Variants in ATL2 observed in about 807,000 individuals in gnomAD.
ATL2 encodes atlastin-2.
A neutral mutation model predicts 73.9 loss-of-function variants in ATL2; 31 were observed. That is an observed-to-expected ratio of 0.42 (90% CI 0.32 to 0.57). The LOEUF (loss-of-function observed/expected upper bound fraction) is 0.57, where lower values mean the gene tolerates loss of function less well. Ranked by LOEUF, ATL2 falls within the 20% of genes least tolerant of loss-of-function variation. The pLI, the probability that ATL2 is intolerant of heterozygous loss-of-function variation, is 0.14. For synonymous variants in ATL2, 291 were observed against 237.5 expected (o/e 1.23, Z -2.07); for missense variants, 738 against 702.6 (o/e 1.05, Z -0.57).
rs146862303 is a variant in ATL2 at position 38,344,952 on chromosome 2, T to C, written c.119-1440A>G. ...ATAAGGTAACCTTTGCAGACATAAC[T>C]TTACTGAATAGTGACGAAGAAGTAC... On this transcript the variant is annotated intron_variant, in intron 1 of 12. Transcript: ENST00000378954. Among the ~76,000 whole-genome samples the C allele has an allele frequency of 1.8e-4, 27 of 152,266 alleles. No individual in the cohort carries two copies. In the East Asian group the frequency reaches 5.2e-3, roughly 29 times the overall value.
intron 1 of ATL2, among the ~76,000 whole-genome samples, chr2:38,364,756 C>T (rs961852122): frequency 9.2e-5 from 14 of 152,152 alleles, no homozygotes; most frequent in African/African-American, 3.1e-4. Context: ...CAAAAAATAA[C>T]TTTGTTGGCT....
At chr2:38,301,980 A>G (rs1667214979) in intron 9 of ATL2, among the ~76,000 whole-genome samples, 1 of 152,174 alleles carries the variant, frequency 6.6e-6, no homozygotes, top group Admixed American at 6.5e-5. Context: ...TTGTCTTGCA[A>G]TTTGGATACC....
At chr2:38,300,893 A>AC (rs1450703372) in intron 9 of ATL2, among the ~76,000 whole-genome samples, 5 of 152,170 alleles carry the variant, frequency 3.3e-5, no homozygotes, top group African/African-American at 1.2e-4. Context: ...AAAAAAAAAA[A>AC]AAACTAATTT....
chr2:38,352,133 C>CAAAAAAAA (rs778821586), intron 1 of ATL2, among the ~76,000 whole-genome samples: 9 of 31,996 alleles, frequency 2.8e-4, no homozygotes, highest in Non-Finnish European at 4.0e-4. Flanking sequence ...AAACAACAAC[C>CAAAAAAAA]AAAAAAAAAA....
Position 38,314,972 on chromosome 2 carries a change from C to T in ATL2, c.655-308G>A, listed in dbSNP as rs535510584. 4.6e-5 allele frequency among the ~76,000 whole-genome samples: 7 copies of T among 152,328 alleles called. No homozygotes were observed. In the East Asian group the frequency reaches 7.7e-4, roughly 17 times the overall value. On this transcript the variant is annotated intron_variant, in intron 5 of 12. Coordinates refer to ENST00000378954, the MANE Select transcript of ATL2 (RefSeq NM_001135673.4). ...TCTTTAAGAAATATGTGCTCGCAGA[C>T]GGGCGCAGCGGCTCACGCCGGGTAA...
At chr2:38,315,653 T>G (rs542455114) in intron 4 of ATL2, among the ~76,000 whole-genome samples, 3 of 152,288 alleles carry the variant, frequency 2.0e-5, no homozygotes, top group South Asian at 4.1e-4. Context: ...AGCTCTTTAA[T>G]GTTAAGATAC....
intron 2 of ATL2, among the ~76,000 whole-genome samples, chr2:38,339,191 G>A (rs72902178): frequency 0.018 from 2,810 of 152,190 alleles, 92 homozygotes; most frequent in African/African-American, 0.065. Flanking sequence ...ACTCCAGCCT[G>A]GGCAACGAGG....
At chr2:38,328,494 T>C (rs1668794257) in intron 2 of ATL2, among the ~76,000 whole-genome samples, 3 of 152,094 alleles carry the variant, frequency 2.0e-5, no homozygotes. Flanking sequence ...CACAACAGAA[T>C]TAAACTATTA....
Position 38,377,176 on chromosome 2 carries a change from C to T in ATL2, c.85G>A (p.Ala29Thr), listed in dbSNP as rs776920297. Reference sequence around the variant, plus strand: ...GTCGTGGACGAGACGTGGTTAACCGCGGCGCTTGGGTCGCTGGTCCGTCGC... The same window carrying T: ...GTCGTGGACGAGACGTGGTTAACCGTGGCGCTTGGGTCGCTGGTCCGTCGC... The part of the protein sequence containing the change: ...RRRRTSDPSA[A>T]VNHVSSTTSL... Residue 29 changes from alanine to threonine, a missense_variant, in exon 1 of 13, where the codon GCG becomes ACG. Coordinates refer to ENST00000378954, the MANE Select transcript of ATL2 (RefSeq NM_001135673.4). The T allele has an allele frequency of 1.2e-6, 2 of 1,610,898 alleles. No homozygotes were observed. Among genetic ancestry groups the T allele is most frequent in the East Asian group, 2.2e-5 (1 of 44,790 alleles).
At chr2:38,318,165 A>C (rs1668124732) in intron 4 of ATL2, among the ~76,000 whole-genome samples, 1 of 152,146 alleles carries the variant, frequency 6.6e-6, no homozygotes, top group Admixed American at 6.5e-5. Flanking sequence ...ATCTCAAAAA[A>C]AATTAAAAAG....
rs763076053 is a variant in ATL2 at position 38,377,215 on chromosome 2, C to G, written c.46G>C (p.Gly16Arg). 13 of 1,608,112 alleles carry G rather than the reference C, an allele frequency of 8.1e-6. No individual in the cohort carries two copies. The Admixed American group carries it at 1.8e-4, about 23-fold the overall frequency. ...CTGGTCCGTCGCCGGCGCCACAGCC[C>G]CTGGTGCGGTTGCTGCCCTCGCGCT... ...EAARGQQPHQ[G>R]LWRRRRTSDP... Residue 16 changes from glycine to arginine, a missense_variant, in exon 1 of 13, where the codon GGG (glycine) becomes CGG (arginine). Physicochemically the swap from Gly to Arg is moderately radical, Grantham distance 125. Transcript: ENST00000378954.
At chr2:38,317,196 A>G (rs1668070069) in intron 4 of ATL2, among the ~76,000 whole-genome samples, 1 of 152,180 alleles carries the variant, frequency 6.6e-6, no homozygotes, top group African/African-American at 2.4e-5. Context: ...CCTATGATCT[A>G]CCATTGATAA....
chr2:38,322,710 T>C (rs967879393), intron 2 of ATL2, among the ~76,000 whole-genome samples: 2 of 152,080 alleles, frequency 1.3e-5, no homozygotes, highest in African/African-American at 4.8e-5. Flanking sequence ...ACTAAACTGA[T>C]TAGTCAGCAA....
upstream of ATL2, among the ~76,000 whole-genome samples, chr2:38,377,536 T>A (rs1443517264): frequency 6.7e-6 from 1 of 150,088 alleles, no homozygotes; most frequent in Non-Finnish European, 1.5e-5. Flanking sequence ...GGCGGGGGTG[T>A]CCCTGCCGCC....
intron 2 of ATL2, among the ~76,000 whole-genome samples, chr2:38,331,063 G>T (rs1217201353): frequency 6.6e-6 from 1 of 152,124 alleles, no homozygotes; most frequent in African/African-American, 2.4e-5. Flanking sequence ...AGCACTTTGG[G>T]AGGCAGGCAG....
intron 2 of ATL2, 77 bp downstream of exon 2, chr2:38,343,191 G>A: frequency 1.5e-6 from 1 of 655,306 alleles, no homozygotes. Context: ...TATAGTTCTG[G>A]TTTTTGTCTA....
At chr2:38,312,459 C>T (rs1396017924) in intron 7 of ATL2, among the ~76,000 whole-genome samples, 1 of 152,028 alleles carries the variant, frequency 6.6e-6, no homozygotes, top group African/African-American at 2.4e-5. Context: ...GCCTGTAATC[C>T]CAGCACTTTG....
Position 38,376,111 on chromosome 2 carries a change from C to A in ATL2, c.118+1032G>T. 5 of 1,510,364 alleles carry A rather than the reference C, an allele frequency of 3.3e-6. No individual in the cohort carries two copies. The South Asian group carries it at 5.0e-5, about 15-fold the overall frequency. 93.6% of individuals were successfully genotyped at this position (1,510,364 alleles called of 1,614,324 possible). On this transcript the variant is annotated intron_variant, in intron 1 of 12. Coordinates refer to ENST00000378954, the MANE Select transcript of ATL2 (RefSeq NM_001135673.4). The stretch of plus-strand genomic sequence containing the variant: ...ATAATAAACTCTTATCTTGGCCGTA[C>A]TTACCAAATCGTAGGCTTTTACTAT...
intron 1 of ATL2, among the ~76,000 whole-genome samples, chr2:38,365,911 C>T (rs1028867952): frequency 6.6e-6 from 1 of 151,872 alleles, no homozygotes; most frequent in African/African-American, 2.4e-5. Flanking sequence ...CGCGCCATTG[C>T]ACTCCAGCCT....
Sources: allele counts gnomAD v4.1 joint callset (sites outside exome capture counted in the v4.1 genomes callset), GRCh38; gene constraint gnomAD v4.1.1; transcripts MANE v1.5; gene names NCBI Gene and HGNC (gene_info 2026-07-23, HGNC 2026-07-21).